The following WDFY3 variants were observed in gnomAD, a reference collection of about 807,000 sequenced individuals.
The protein encoded by WDFY3 is WD repeat and FYVE domain-containing protein 3.
Under a neutral mutation model 409.6 loss-of-function variants are expected in WDFY3, and 66 were observed. The ratio of observed to expected loss-of-function variants is 0.16; its 90% CI spans 0.13 to 0.20. The LOEUF is 0.20. Ranked by LOEUF, WDFY3 falls within the 10% of genes least tolerant of loss-of-function variation. The pLI is 1.00. For missense variants in WDFY3, 3,031 were observed against 4,298.1 expected (o/e 0.71, Z 8.24); for synonymous variants, 1,521 against 1,537.1 (o/e 0.99, Z 0.25).
chr4:84,742,034 C>T, intron 37 of WDFY3, 113 bp from the exon 38 acceptor site: 1 of 945,166 alleles, frequency 1.1e-6, no homozygotes, highest in Non-Finnish European at 1.5e-6. Flanking sequence ...CAACAGGTAG[C>T]AATATGACTA....
chr4:84,762,913 T>G (rs1433883209), intron 32 of WDFY3, among the ~76,000 whole-genome samples: 2 of 151,988 alleles, frequency 1.3e-5, no homozygotes, highest in Non-Finnish European at 2.9e-5. Context: ...GGAGCTTAAG[T>G]CTAGCCTGGA....
intron 1 of WDFY3, among the ~76,000 whole-genome samples, chr4:84,935,253 A>G (rs894242470): frequency 6.6e-6 from 1 of 152,132 alleles, no homozygotes. Context: ...GTTAGGGAGT[A>G]ATCTTAAATT....
chr4:84,903,305 G>A (rs944134485), intron 2 of WDFY3, among the ~76,000 whole-genome samples: 1 of 152,014 alleles, frequency 6.6e-6, no homozygotes. Flanking sequence ...TATATGAAGG[G>A]AGTTTGTTTG....
At chr4:84,748,969 G>T (rs1343798825) in intron 36 of WDFY3, among the ~76,000 whole-genome samples, 1 of 151,512 alleles carries the variant, frequency 6.6e-6, no homozygotes, top group East Asian at 1.9e-4. Context: ...ACGGCTCACT[G>T]CAACTTTGAA....
At chr4:84,889,801 T>C (rs113590207) in intron 3 of WDFY3, among the ~76,000 whole-genome samples, 4,257 of 152,214 alleles carry the variant, frequency 0.028, 95 homozygotes, top group South Asian at 0.11. Flanking sequence ...TGGAAGGCAA[T>C]CAATGTTTAG....
chr4:84,682,394 T>G lies in WDFY3; in HGVS notation c.9803A>C (p.Asp3268Ala), dbSNP rs1296944022. Residue 3268 changes from aspartate (D) to alanine (A), a missense_variant, in exon 64 of 68, where the codon GAC becomes GCC. Asp to Ala is a moderately radical substitution (Grantham distance 126). This residue lies in a region of WDFY3 where 378 missense variants were observed against 477.3 expected (regional missense o/e 0.79). Transcript: ENST00000295888. ...AATACCTATTTGTGCTTCTGGACAG[T>G]CTTCCTGCATTTCTAGGACTTCAGC... ...EPAEVLEMQE[D>A]CPEAQIGQEA... 2.0e-5 allele frequency: 32 copies of G among 1,613,976 alleles called. No homozygotes were observed. Among genetic ancestry groups the G allele is most frequent in the Non-Finnish European group, 2.7e-5 (32 of 1,179,986 alleles).
intron 49 of WDFY3, 33 bp from the exon 50 acceptor site, chr4:84,715,416 A>G: frequency 8.5e-7 from 1 of 1,172,662 alleles, no homozygotes; most frequent in African/African-American, 1.5e-5. Context: ...CATTAAGAAA[A>G]AACAGAAGTT....
intron 9 of WDFY3, among the ~76,000 whole-genome samples, chr4:84,828,473 A>G (rs569024418): frequency 6.6e-6 from 1 of 152,336 alleles, no homozygotes; most frequent in African/African-American, 2.4e-5. Flanking sequence ...TAGTTTATCT[A>G]AATTCTTCTC....
At position 84,696,816 on chromosome 4, in the gene WDFY3, T is replaced by C; in HGVS notation, c.8604A>G (p.Lys2868=). 1 of 1,613,750 alleles carries C rather than the reference T, an allele frequency of 6.2e-7. No individual in the cohort carries two copies. Among genetic ancestry groups the C allele is most frequent in the Non-Finnish European group, 8.5e-7 (1 of 1,179,788 alleles). ...CATCTCCAAGCTTGGTGCCATTTTG[T>C]TTACAGCCTATGCAATTGGATACAT... ...FNSNNFDLGC[K]QNGTKLGDVI... The change falls in exon 57 of 68, where the codon AAA becomes AAG. Residue 2868 remains lysine (K), a synonymous_variant. Transcript: ENST00000295888.
chr4:84,744,777 C>T (rs1238587076), intron 36 of WDFY3, among the ~76,000 whole-genome samples: 2 of 136,076 alleles, frequency 1.5e-5, no homozygotes, highest in African/African-American at 5.5e-5. Context: ...GGCGTGAACC[C>T]GGGAGGCGGA....
At chr4:84,912,661 C>G (rs1291126033) in intron 2 of WDFY3, among the ~76,000 whole-genome samples, 1 of 151,832 alleles carries the variant, frequency 6.6e-6, no homozygotes, top group East Asian at 1.9e-4. Context: ...AGGCAACAGA[C>G]AAGTTCCCAG....
chr4:84,822,219 CAG>C (rs373963354), intron 10 of WDFY3, among the ~76,000 whole-genome samples: 83 of 152,150 alleles, frequency 5.5e-4, no homozygotes, highest in African/African-American at 1.9e-3. Context: ...GAAATTAAGA[CAG>C]AAAGTTCTAT....
At chr4:84,894,124 A>G (rs1330687376) in intron 3 of WDFY3, among the ~76,000 whole-genome samples, 1 of 152,254 alleles carries the variant, frequency 6.6e-6, no homozygotes, top group African/African-American at 2.4e-5. Flanking sequence ...ACTAAGGAAT[A>G]ACAAAAGGCA....
chr4:84,892,849 T>C (rs764498189), intron 3 of WDFY3, among the ~76,000 whole-genome samples: 9 of 152,240 alleles, frequency 5.9e-5, no homozygotes, highest in East Asian at 1.9e-4. Context: ...GCTTTGGAAA[T>C]AGAATGTTCC....
intron 2 of WDFY3, among the ~76,000 whole-genome samples, chr4:84,904,183 T>C (rs1042686177): frequency 1.1e-4 from 16 of 152,214 alleles, no homozygotes; most frequent in African/African-American, 3.6e-4. Context: ...TGCTGGTGCG[T>C]TGATCTTGAA....
At chr4:84,796,217 T>A (rs1273728988) in intron 19 of WDFY3, among the ~76,000 whole-genome samples, 3 of 151,478 alleles carry the variant, frequency 2.0e-5, no homozygotes, top group Non-Finnish European at 4.4e-5. Flanking sequence ...AGTGTGGCTG[T>A]TTTCCAATAA....
intron 3 of WDFY3, among the ~76,000 whole-genome samples, chr4:84,874,450 C>A (rs1762512553): frequency 6.6e-6 from 1 of 151,934 alleles, no homozygotes; most frequent in Admixed American, 6.6e-5. Context: ...GGTATCATAC[C>A]ACTTTTCTGA....
Position 84,858,907 on chromosome 4 carries a change from CAA to C in WDFY3, c.180+1503_180+1504del, listed in dbSNP as rs374651117. Among the ~76,000 whole-genome samples, 153 of 150,228 alleles carry C rather than the reference CAA, an allele frequency of 1.0e-3. 1 individual carries two copies. The Middle Eastern group carries it at 0.021, about 20-fold the overall frequency. On this transcript the variant is annotated intron_variant, in intron 4 of 67. Coordinates refer to ENST00000295888, the MANE Select transcript of WDFY3 (RefSeq NM_014991.6). ...GAAAGAAATAGGGACAGAGAGGAGACAAAGAGAGAAATGGGAGGACAGAAAGA... is the reference window on the plus strand; with the variant it reads ...GAAAGAAATAGGGACAGAGAGGAGACAGAGAGAAATGGGAGGACAGAAAGA...
chr4:84,798,509 A>C (rs1381238305), intron 17 of WDFY3, among the ~76,000 whole-genome samples: 2 of 152,184 alleles, frequency 1.3e-5, no homozygotes, highest in African/African-American at 4.8e-5. Flanking sequence ...ATTTTTTAGA[A>C]GTTAATAATA....
Sources: allele counts gnomAD v4.1 joint callset (sites outside exome capture counted in the v4.1 genomes callset), GRCh38; gene constraint gnomAD v4.1.1; regional missense constraint gnomAD v4.1.1; transcripts MANE v1.5; gene names NCBI Gene and HGNC (gene_info 2026-07-23, HGNC 2026-07-21).